Variants in HACD2 observed in about 807,000 individuals in gnomAD.
The protein encoded by HACD2 is 3-hydroxyacyl-CoA dehydratase 2, also known as very-long-chain (3R)-3-hydroxyacyl-CoA dehydratase 2.
Under a neutral mutation model 31.0 loss-of-function variants are expected in HACD2, and 15 were observed. The observed-to-expected ratio is 0.48, with a 90% CI of 0.32 to 0.75. HACD2 has a LOEUF of 0.75. Ranked by LOEUF, HACD2 falls within the 30% of genes least tolerant of loss-of-function variation. The probability of loss-of-function intolerance (pLI) is 0.03; values close to 1 mark genes in which losing one functional copy is unlikely to be tolerated. For missense variants in HACD2, 283 were observed against 313.0 expected (o/e 0.90, Z 0.72); for synonymous variants, 115 against 122.2 (o/e 0.94, Z 0.39).
intron 4 of HACD2, among the ~76,000 whole-genome samples, chr3:123,523,769 T>C (rs2056246770): frequency 6.6e-6 from 1 of 152,228 alleles, no homozygotes. Context: ...GAGATCTCCC[T>C]AATGGCTCTG....
At chr3:123,532,224 G>A (rs568358969) in intron 3 of HACD2, among the ~76,000 whole-genome samples, 18 of 152,158 alleles carry the variant, frequency 1.2e-4, no homozygotes, top group African/African-American at 3.9e-4. Flanking sequence ...TGCTTCTACC[G>A]TTCTCTATCC....
intron 2 of HACD2, among the ~76,000 whole-genome samples, chr3:123,579,365 G>C (rs2056941721): frequency 6.6e-6 from 1 of 151,016 alleles, no homozygotes. Flanking sequence ...TGCAATCATA[G>C]TTCGCTGCAG....
chr3:123,512,549 AT>A, intron 4 of HACD2, among the ~76,000 whole-genome samples: 1 of 152,266 alleles, frequency 6.6e-6, no homozygotes, highest in African/African-American at 2.4e-5. Flanking sequence ...GCAGTTGAGA[AT>A]GGGGGTGGTG....
At chr3:123,515,900 G>A (rs112531681) in intron 4 of HACD2, among the ~76,000 whole-genome samples, 5,211 of 152,068 alleles carry the variant, frequency 0.034, 90 homozygotes, top group Middle Eastern at 0.088. Context: ...GGGACTACAG[G>A]TATGCACCAC....
chr3:123,567,733 A>G (rs529342391), intron 3 of HACD2, 29 bp downstream of exon 3: 115 of 1,392,562 alleles, frequency 8.3e-5, no homozygotes, highest in Non-Finnish European at 1.1e-4. Flanking sequence ...AATTCACTGT[A>G]CATAGTAGGG....
At position 123,563,996 on chromosome 3, in the gene HACD2, C is replaced by T. The variant is rs73857675; in HGVS notation, c.292+3766G>A. Among the ~76,000 whole-genome samples, 909 of 152,322 alleles carry T rather than the reference C, an allele frequency of 6.0e-3. 9 individuals are homozygous for T. The highest frequency in any genetic ancestry group is 0.021 in the African/African-American group (883 of 41,562). On this transcript the variant is annotated intron_variant, in intron 3 of 6. Transcript: ENST00000383657. The stretch of plus-strand genomic sequence containing the variant: ...AGTAGGGATGAAGAAACAAGACAAC[C>T]TGAAAGACACCCAGCAAACTGAATT...
At chr3:123,571,230 T>C (rs144765099) in intron 2 of HACD2, among the ~76,000 whole-genome samples, 1 of 152,352 alleles carries the variant, frequency 6.6e-6, no homozygotes, top group African/African-American at 2.4e-5. Flanking sequence ...TTCATACCAA[T>C]GATGGTGGTA....
chr3:123,559,186 G>C (rs1420981944), intron 3 of HACD2, among the ~76,000 whole-genome samples: 1 of 152,022 alleles, frequency 6.6e-6, no homozygotes, highest in African/African-American at 2.4e-5. Context: ...ATTTTTATTA[G>C]AAGTCATCCC....
chr3:123,498,606 T>C (rs1009766080), intron 6 of HACD2, among the ~76,000 whole-genome samples: 12 of 152,244 alleles, frequency 7.9e-5, no homozygotes, highest in African/African-American at 2.7e-4. Context: ...GAGAATCTAA[T>C]GCCTGATGAT....
chr3:123,571,561 C>T (rs2056856172), intron 2 of HACD2, among the ~76,000 whole-genome samples: 1 of 152,156 alleles, frequency 6.6e-6, no homozygotes, highest in South Asian at 2.1e-4. Context: ...GAGGAGTAAC[C>T]TCCTACCGAC....
At chr3:123,507,685 T>C (rs1025112227) in intron 4 of HACD2, among the ~76,000 whole-genome samples, 1 of 151,950 alleles carries the variant, frequency 6.6e-6, no homozygotes, top group African/African-American at 2.4e-5. Context: ...AAACATCTCA[T>C]GCACCCCATA....
intron 6 of HACD2, 92 bp downstream of exon 6, chr3:123,500,423 T>C (rs1421846538): frequency 1.0e-5 from 8 of 785,372 alleles, no homozygotes; most frequent in Non-Finnish European, 1.6e-5. Flanking sequence ...TTACATTTAC[T>C]TGGATATAGT....
In HACD2 at chr3:123,492,507, C is replaced by T. The variant is rs2055776294; in HGVS notation, c.*2381G>A. 6.6e-6 allele frequency: 1 copy of T among 152,188 alleles called. No individual in the cohort carries two copies. The highest frequency in any genetic ancestry group is 2.4e-5 in the African/African-American group (1 of 41,450). 9.4% of individuals were successfully genotyped at this position (152,188 alleles called of 1,614,324 possible). The stretch of plus-strand genomic sequence containing the variant: ...TACTGAGAGAGGTTACTGAAGGACA[C>T]AGTGACATGCCTTACTTATCTGCCA... On this transcript the variant is annotated 3_prime_UTR_variant, in exon 7 of 7. Transcript: ENST00000383657.
At chr3:123,546,587 T>C (rs1287197041) in intron 3 of HACD2, among the ~76,000 whole-genome samples, 2 of 152,140 alleles carry the variant, frequency 1.3e-5, no homozygotes, top group African/African-American at 4.8e-5. Context: ...ACCATAAGAC[T>C]ACAAGTACAA....
chr3:123,510,336 C>G (rs1302844844), intron 4 of HACD2, among the ~76,000 whole-genome samples: 1 of 152,226 alleles, frequency 6.6e-6, no homozygotes, highest in African/African-American at 2.4e-5. Context: ...AAACCTCCAC[C>G]TCCCGGGTTC....
At chr3:123,547,696 A>T (rs2056575239) in intron 3 of HACD2, among the ~76,000 whole-genome samples, 1 of 152,172 alleles carries the variant, frequency 6.6e-6, no homozygotes, top group African/African-American at 2.4e-5. Flanking sequence ...ATGAGGTGGT[A>T]TATGTTAGAC....
chr3:123,554,544 C>A (rs1167933397), intron 3 of HACD2, among the ~76,000 whole-genome samples: 1 of 151,910 alleles, frequency 6.6e-6, no homozygotes, highest in Non-Finnish European at 1.5e-5. Context: ...AAAGAAAACA[C>A]ATCAGGTAGG....
chr3:123,570,848 T>C (rs996751839), intron 2 of HACD2, among the ~76,000 whole-genome samples: 3 of 151,530 alleles, frequency 2.0e-5, no homozygotes, highest in Non-Finnish European at 4.4e-5. Context: ...GGGGATACTT[T>C]TAGGACAAAA....
chr3:123,584,605 C>G (rs1164709319), intron 1 of HACD2: 2 of 301,984 alleles, frequency 6.6e-6, no homozygotes, highest in Non-Finnish European at 1.2e-5. Context: ...TCCCGCGGCC[C>G]TCGCGAGCCA....
Sources: allele counts gnomAD v4.1 joint callset (sites outside exome capture counted in the v4.1 genomes callset), GRCh38; gene constraint gnomAD v4.1.1; transcripts MANE v1.5; gene names NCBI Gene and HGNC (gene_info 2026-07-23, HGNC 2026-07-21).